Variants in TBCEL observed in about 807,000 individuals in gnomAD.
TBCEL encodes tubulin folding cofactor E like.
TBCEL carries 15 observed loss-of-function variants against 44.2 expected under a neutral mutation model. The observed-to-expected ratio is 0.34, with a 90% CI of 0.23 to 0.52. TBCEL has a LOEUF of 0.52. TBCEL is among the 20% of genes least tolerant of loss of function. The pLI, the probability that TBCEL is intolerant of heterozygous loss-of-function variation, is 0.95. For synonymous variants in TBCEL, 171 were observed against 185.4 expected (o/e 0.92, Z 0.63); for missense variants, 319 against 506.3 (o/e 0.63, Z 3.55).
chr11:121,028,116 G>A (rs192465981), intron 1 of TBCEL, among the ~76,000 whole-genome samples: 3,284 of 145,082 alleles, frequency 0.023, 56 homozygotes, highest in Non-Finnish European at 0.033. Flanking sequence ...GAGGCCAGAG[G>A]ATCACGAGCC....
chr11:121,067,478 A>C (rs1212298254), intron 8 of TBCEL, among the ~76,000 whole-genome samples: 1 of 152,222 alleles, frequency 6.6e-6, no homozygotes, highest in Non-Finnish European at 1.5e-5. Flanking sequence ...CTAGCTGCTT[A>C]TGGCAATAAT....
chr11:121,068,009 G>A (rs1945852462), intron 8 of TBCEL, among the ~76,000 whole-genome samples: 1 of 152,140 alleles, frequency 6.6e-6, no homozygotes, highest in African/African-American at 2.4e-5. Context: ...GTTACCCCAG[G>A]ACTTAGTCCT....
intron 6 of TBCEL, among the ~76,000 whole-genome samples, chr11:121,055,868 C>T (rs527381462): frequency 6.7e-6 from 1 of 148,166 alleles, no homozygotes; most frequent in Non-Finnish European, 1.5e-5. Flanking sequence ...CCCCTTGTTC[C>T]CACATATATA....
At chr11:121,033,382 G>A (rs1416840496) in intron 1 of TBCEL, among the ~76,000 whole-genome samples, 1 of 152,156 alleles carries the variant, frequency 6.6e-6, no homozygotes, top group Non-Finnish European at 1.5e-5. Context: ...TCCCTCATTA[G>A]TGATGATTTT....
intron 5 of TBCEL, among the ~76,000 whole-genome samples, chr11:121,054,302 T>G (rs745521149): frequency 4.6e-5 from 7 of 151,940 alleles, no homozygotes; most frequent in Non-Finnish European, 7.4e-5. Context: ...AATATGGAAA[T>G]TCTCAAAGCC....
intron 6 of TBCEL, among the ~76,000 whole-genome samples, chr11:121,056,169 A>G (rs974921511): frequency 1.1e-4 from 16 of 151,754 alleles, no homozygotes; most frequent in Non-Finnish European, 2.1e-4. Flanking sequence ...GCAACCACTC[A>G]TCTTTTTACT....
intron 8 of TBCEL, among the ~76,000 whole-genome samples, chr11:121,061,561 A>G (rs577097374): frequency 1.3e-5 from 2 of 152,184 alleles, no homozygotes; most frequent in African/African-American, 4.8e-5. Flanking sequence ...CACCTAGGCT[A>G]TATGGTACAG....
At chr11:121,067,682 G>A (rs562912621) in intron 8 of TBCEL, among the ~76,000 whole-genome samples, 128 of 152,282 alleles carry the variant, frequency 8.4e-4, no homozygotes, top group African/African-American at 1.9e-3. Flanking sequence ...TATAGCAGTG[G>A]TGTGATATGC....
chr11:121,058,390 A>G lies in TBCEL; in HGVS notation c.758A>G (p.Lys253Arg). The G allele has an allele frequency of 6.2e-7, 1 of 1,611,998 alleles. No homozygotes were observed. Among genetic ancestry groups the G allele is most frequent in the Non-Finnish European group, 8.5e-7 (1 of 1,178,454 alleles). The change falls in exon 7 of 9, where the codon AAA becomes AGA. Residue 253 changes from lysine (K) to arginine (R), a missense_variant. Coordinates refer to ENST00000683345, the MANE Select transcript of TBCEL (RefSeq NM_001363644.2). ...ATTGATAAACTAAATTCATTTCCCA[A>G]ACTGGAAGAAGTGAGATTGTTAGGA... Reference protein sequence around the residue: ...EDIDKLNSFPKLEEVRLLGIP... With the variant: ...EDIDKLNSFPRLEEVRLLGIP...
chr11:121,067,107 G>C (rs931283465), intron 8 of TBCEL, among the ~76,000 whole-genome samples: 7 of 152,056 alleles, frequency 4.6e-5, no homozygotes, highest in African/African-American at 1.7e-4. Context: ...AGTAAGAAAA[G>C]TTACCCAAAA....
At chr11:121,080,359 A>G (rs887633209) in intron 8 of TBCEL, among the ~76,000 whole-genome samples, 1 of 152,190 alleles carries the variant, frequency 6.6e-6, no homozygotes, top group Non-Finnish European at 1.5e-5. Context: ...CTACCCATGA[A>G]TACACCTCTA....
intron 2 of TBCEL, among the ~76,000 whole-genome samples, chr11:121,043,959 C>T (rs1945381263): frequency 6.6e-6 from 1 of 152,002 alleles, no homozygotes; most frequent in Non-Finnish European, 1.5e-5. Context: ...AAGTGGAATT[C>T]ATCATTTTCT....
intron 1 of TBCEL, among the ~76,000 whole-genome samples, chr11:121,025,680 A>C (rs1399848890): frequency 6.6e-6 from 1 of 151,886 alleles, no homozygotes; most frequent in Non-Finnish European, 1.5e-5. Flanking sequence ...TCATTCTGTA[A>C]GCTTCTAAAG....
chr11:121,054,447 A>G (rs747349256), intron 5 of TBCEL, among the ~76,000 whole-genome samples: 1 of 151,846 alleles, frequency 6.6e-6, no homozygotes, highest in African/African-American at 2.4e-5. Context: ...TTTAAGTGCT[A>G]GTTTCACTAC....
chr11:121,031,713 C>T (rs577843885), intron 1 of TBCEL, among the ~76,000 whole-genome samples: 5 of 130,430 alleles, frequency 3.8e-5, no homozygotes, highest in Admixed American at 1.8e-4. Flanking sequence ...TTGCCAGGCT[C>T]GAGTGCAGTG....
At chr11:121,033,268 GA>G (rs1368095308) in intron 1 of TBCEL, among the ~76,000 whole-genome samples, 2 of 152,144 alleles carry the variant, frequency 1.3e-5, no homozygotes, top group African/African-American at 4.8e-5. Flanking sequence ...TATTATATGA[GA>G]ATTGTGAGGA....
chr11:121,069,939 G>T (rs1679954692), intron 8 of TBCEL, among the ~76,000 whole-genome samples: 1 of 152,180 alleles, frequency 6.6e-6, no homozygotes, highest in Non-Finnish European at 1.5e-5. Flanking sequence ...CCATTGAAAG[G>T]TTTCAAGTTG....
At chr11:121,061,390 CAT>C (rs141780654) in intron 8 of TBCEL, among the ~76,000 whole-genome samples, 36 of 150,980 alleles carry the variant, frequency 2.4e-4, no homozygotes, top group African/African-American at 6.1e-4. Flanking sequence ...CACACATACA[CAT>C]ATATATATAT....
chr11:121,075,503 C>A (rs759168288), intron 8 of TBCEL, among the ~76,000 whole-genome samples: 11 of 151,960 alleles, frequency 7.2e-5, no homozygotes, highest in Non-Finnish European at 1.3e-4. Context: ...CTAATTTAGT[C>A]TCTGTCTGCA....
Sources: gnomAD v4.1 joint callset for allele counts (sites outside exome capture counted in the v4.1 genomes callset) on GRCh38, gnomAD v4.1.1 for gene constraint, MANE v1.5 for transcripts, NCBI Gene and HGNC (gene_info 2026-07-23, HGNC 2026-07-21) for gene names.